The following ELP2 variants were observed in gnomAD, a reference collection of about 807,000 sequenced individuals.
ELP2 encodes elongator acetyltransferase complex subunit 2, also known as elongator complex protein 2.
A neutral mutation model predicts 119.2 loss-of-function variants in ELP2; 90 were observed. That is an observed-to-expected ratio of 0.75 (90% CI 0.64 to 0.90). The LOEUF is 0.90. Ranked by LOEUF, ELP2 falls within the 40% of genes least tolerant of loss-of-function variation. The pLI is 0.00. For synonymous variants in ELP2, 339 were observed against 331.0 expected (o/e 1.02, Z -0.26); for missense variants, 921 against 967.8 (o/e 0.95, Z 0.64).
In ELP2 at chr18:36,159,735, G is replaced by A. The variant is rs770924278; in HGVS notation, c.1535G>A (p.Gly512Glu). The A allele has an allele frequency of 3.7e-6, 6 of 1,609,910 alleles. No individual in the cohort carries two copies. The African/African-American group carries it at 5.3e-5, about 14-fold the overall frequency. The change falls in exon 15 of 22, where the codon GGA (glycine) becomes GAA (glutamate). Residue 512 changes from glycine to glutamate, a missense_variant and splice_region_variant. Transcript: ENST00000358232. The stretch of plus-strand genomic sequence containing the variant: ...TTCTTGATGTGTTTCTTCAAACTAG[G>A]AGATATAGCTTCTCAGCCTTCTGAT... ...LGLSNKAVFQ[G>E]DIASQPSDEE...
At chr18:36,145,892 C>A (rs2144651772) in intron 9 of ELP2, 56 bp from the exon 10 acceptor site, 2 of 1,411,154 alleles carry the variant, frequency 1.4e-6, no homozygotes, top group South Asian at 2.3e-5. Flanking sequence ...TTTTTCTGGT[C>A]ATCTACAAAC....
intron 20 of ELP2, 47 bp from the exon 21 acceptor site, chr18:36,171,000 A>G: frequency 1.1e-5 from 15 of 1,333,098 alleles, no homozygotes; most frequent in Non-Finnish European, 1.6e-5. Context: ...CGAAGATAAC[A>G]ATTTCATGCT....
intron 2 of ELP2, among the ~76,000 whole-genome samples, chr18:36,133,897 G>GTTTTTT (rs57135329): frequency 1.3e-4 from 8 of 60,802 alleles, no homozygotes; most frequent in African/African-American, 4.4e-4. Context: ...TTTTTTAGGG[G>GTTTTTT]TTTTTTTTTT....
intron 11 of ELP2, among the ~76,000 whole-genome samples, chr18:36,151,316 C>T (rs529855959): frequency 2.0e-5 from 3 of 151,804 alleles, no homozygotes; most frequent in South Asian, 2.1e-4. Context: ...CTCCTGGGCT[C>T]AAGCAGTCTA....
chr18:36,158,540 G>A, intron 13 of ELP2: 1 of 297,564 alleles, frequency 3.4e-6, no homozygotes, highest in East Asian at 7.8e-5. Context: ...CCATTGAAAT[G>A]TTATGGTTCG....
chr18:36,132,668 C>T (rs1449558931), intron 1 of ELP2, among the ~76,000 whole-genome samples: 1 of 152,136 alleles, frequency 6.6e-6, no homozygotes, highest in Non-Finnish European at 1.5e-5. Flanking sequence ...GCAATAGGCC[C>T]TGCAGGAATC....
chr18:36,133,399 T>G, intron 2 of ELP2, 83 bp downstream of exon 2: 1 of 946,272 alleles, frequency 1.1e-6, no homozygotes, highest in Non-Finnish European at 1.7e-6. Flanking sequence ...ATCACTTCTC[T>G]TAATTTAGCA....
intron 11 of ELP2, among the ~76,000 whole-genome samples, chr18:36,152,606 T>C (rs1219447710): frequency 6.6e-6 from 1 of 152,220 alleles, no homozygotes; most frequent in Non-Finnish European, 1.5e-5. Context: ...CATTTATAGA[T>C]GATGTTAGGC....
At chr18:36,131,928 G>A in intron 1 of ELP2, among the ~76,000 whole-genome samples, 1 of 142,180 alleles carries the variant, frequency 7.0e-6, no homozygotes, top group Non-Finnish European at 1.5e-5. Flanking sequence ...TTGCTGGTCG[G>A]GCTTTTTTTT....
intron 8 of ELP2, among the ~76,000 whole-genome samples, chr18:36,143,421 CTTT>C (rs67196641): frequency 0.013 from 1,295 of 98,006 alleles, 11 homozygotes; most frequent in Admixed American, 0.02. Context: ...CGTGCCTGGC[CTTT>C]TTTTTTTTTT....
rs1043635059 is a variant in ELP2, at chr18:36,139,311, A to C, written c.523+439A>C. On this transcript the variant is annotated intron_variant, in intron 5 of 21. Coordinates refer to ENST00000358232, the MANE Select transcript of ELP2 (RefSeq NM_018255.4). The stretch of plus-strand genomic sequence containing the variant: ...TTGCCCAAGACCACTTAAAATCTGC[A>C]AACAGAAAAATTTCCCTTTTGCTGT... 20 of 1,114,152 alleles carry C rather than the reference A, an allele frequency of 1.8e-5. No individual in the cohort carries two copies. In the African/African-American group the frequency reaches 2.8e-4, roughly 16 times the overall value. The allele number at this position is 1,114,152 out of a possible 1,614,324, so 69.0% of individuals were successfully genotyped here. A position where few individuals can be genotyped will look rare whatever the true frequency, so the allele number is the denominator to read the frequency against.
intron 19 of ELP2, among the ~76,000 whole-genome samples, chr18:36,168,234 A>C (rs1268559247): frequency 6.6e-6 from 1 of 152,170 alleles, no homozygotes; most frequent in African/African-American, 2.4e-5. Flanking sequence ...CCTCTATGGC[A>C]GACTTTACAT....
chr18:36,169,250 TC>T (rs970954306), intron 19 of ELP2, among the ~76,000 whole-genome samples: 32 of 152,126 alleles, frequency 2.1e-4, no homozygotes, highest in African/African-American at 6.7e-4. Flanking sequence ...TTGTGACCAT[TC>T]ACACATCCTT....
intron 1 of ELP2, among the ~76,000 whole-genome samples, chr18:36,131,311 A>G (rs948417): frequency 0.31 from 47,214 of 152,136 alleles, 7,800 homozygotes; most frequent in Middle Eastern, 0.42. Flanking sequence ...ATGGCAAGAG[A>G]AAGTGCAAAA....
In ELP2 at chr18:36,144,936, T is replaced by C. The variant is rs1290603743; in HGVS notation, c.797-3T>C. On this transcript the variant is annotated splice_region_variant and splice_polypyrimidine_tract_variant and intron_variant, in intron 8 of 21. Transcript: ENST00000358232. Reference sequence around the variant, plus strand: ...AATAATACCTTCATTGCTTTTGTTATAGGTGTTAAAATAGCATTTGCTGTT... The same window carrying C: ...AATAATACCTTCATTGCTTTTGTTACAGGTGTTAAAATAGCATTTGCTGTT... The C allele has an allele frequency of 6.2e-7, 1 of 1,608,678 alleles. No homozygotes were observed. The highest frequency in any genetic ancestry group is 8.5e-7 in the Non-Finnish European group (1 of 1,175,042).
intron 11 of ELP2, among the ~76,000 whole-genome samples, chr18:36,153,748 G>A (rs1041359468): frequency 3.9e-5 from 6 of 151,958 alleles, no homozygotes; most frequent in Non-Finnish European, 8.8e-5. Flanking sequence ...TTGGTTTATG[G>A]TATTGAAAGT....
chr18:36,167,591 A>G (rs2090945807), intron 19 of ELP2, among the ~76,000 whole-genome samples: 1 of 151,976 alleles, frequency 6.6e-6, no homozygotes, highest in Non-Finnish European at 1.5e-5. Flanking sequence ...TGAATTTAAC[A>G]TTTTTCTGTA....
chr18:36,169,934 G>A (rs2091027174), intron 19 of ELP2, 129 bp from the exon 20 acceptor site: 14 of 1,218,174 alleles, frequency 1.1e-5, no homozygotes, highest in Middle Eastern at 2.2e-4. Context: ...CACCATACAC[G>A]AATGTAATGA....
intron 17 of ELP2, 83 bp from the exon 18 acceptor site, chr18:36,164,392 A>T: frequency 7.5e-7 from 1 of 1,334,350 alleles, no homozygotes; most frequent in Non-Finnish European, 1.1e-6. Context: ...ATATACTCAT[A>T]GAAACAATGT....
Sources: gnomAD v4.1 joint callset for allele counts (sites outside exome capture counted in the v4.1 genomes callset) on GRCh38, gnomAD v4.1.1 for gene constraint, MANE v1.5 for transcripts, NCBI Gene and HGNC (gene_info 2026-07-23, HGNC 2026-07-21) for gene names.